ATP8B4: variants seen among roughly 807,000 people sequenced by gnomAD.
The protein encoded by ATP8B4 is probable phospholipid-transporting ATPase IM.
Under a neutral mutation model 145.6 loss-of-function variants are expected in ATP8B4, and 133 were observed. The ratio of observed to expected loss-of-function variants is 0.91; its 90% CI spans 0.79 to 1.05. The LOEUF is 1.05. Among genes scored for constraint, ATP8B4 ranks in the 50% least tolerant of loss-of-function variants. The pLI is 0.00. For missense variants in ATP8B4, 1,458 were observed against 1,425.2 expected (o/e 1.02, Z -0.37); for synonymous variants, 507 against 492.9 (o/e 1.03, Z -0.38).
chr15:49,903,427 C>T (rs2038266065), intron 20 of ATP8B4, among the ~76,000 whole-genome samples: 1 of 152,178 alleles, frequency 6.6e-6, no homozygotes, highest in South Asian at 2.1e-4. Context: ...TGCAGAATCG[C>T]ATTAACAGTT....
chr15:50,056,543 G>GA (rs2052608957), intron 3 of ATP8B4, among the ~76,000 whole-genome samples: 1 of 152,162 alleles, frequency 6.6e-6, no homozygotes, highest in African/African-American at 2.4e-5. Flanking sequence ...GGTGAGACCA[G>GA]TGGGAATACG....
chr15:49,980,896 A>G (rs1599598468), intron 11 of ATP8B4, among the ~76,000 whole-genome samples: 1 of 152,312 alleles, frequency 6.6e-6, no homozygotes, highest in Middle Eastern at 3.4e-3. Flanking sequence ...AAAGTAAGAA[A>G]ACAAAAACAC....
chr15:49,995,533 T>C (rs1455980577), intron 9 of ATP8B4, among the ~76,000 whole-genome samples: 1 of 152,170 alleles, frequency 6.6e-6, no homozygotes, highest in Non-Finnish European at 1.5e-5. Flanking sequence ...ACATCTGTTA[T>C]AAAAGCACTC....
intron 1 of ATP8B4, among the ~76,000 whole-genome samples, chr15:50,175,689 C>A (rs1356063860): frequency 1.3e-5 from 2 of 151,984 alleles, no homozygotes; most frequent in South Asian, 2.1e-4. Context: ...ATTAAAAAAT[C>A]AAAAAACCGT....
At chr15:49,983,918 C>G (rs2046375643) in intron 10 of ATP8B4, among the ~76,000 whole-genome samples, 2 of 152,216 alleles carry the variant, frequency 1.3e-5, no homozygotes, top group East Asian at 3.8e-4. Context: ...GAGATTAATG[C>G]CTCTTTCTCT....
intron 3 of ATP8B4, among the ~76,000 whole-genome samples, chr15:50,072,976 CTCTCTATATATATATATATATATA>C (rs2053901454): frequency 1.3e-4 from 3 of 23,894 alleles, no homozygotes; most frequent in Admixed American, 5.9e-4. Flanking sequence ...CTCTCTCTCT[CTCTCTATATATATATATATATATA>C]TATATATATA....
intron 23 of ATP8B4, chr15:49,880,359 G>A (rs573245522): frequency 1.3e-5 from 2 of 152,316 alleles, no homozygotes; most frequent in African/African-American, 4.8e-5. Flanking sequence ...ACTGCAAGTA[G>A]GCCCCATGAA....
chr15:50,024,515 G>A (rs1201253110), intron 6 of ATP8B4, among the ~76,000 whole-genome samples: 1 of 152,190 alleles, frequency 6.6e-6, no homozygotes, highest in Non-Finnish European at 1.5e-5. Flanking sequence ...GGGAAAGCAT[G>A]TAAGAACATA....
At chr15:50,058,139 G>T (rs2153619775) in intron 3 of ATP8B4, among the ~76,000 whole-genome samples, 1 of 152,296 alleles carries the variant, frequency 6.6e-6, no homozygotes, top group Non-Finnish European at 1.5e-5. Context: ...TGATCTGTTT[G>T]CCTCCTATCT....
At chr15:49,861,650 T>C (rs2031839747) in intron 27 of ATP8B4, among the ~76,000 whole-genome samples, 1 of 152,192 alleles carries the variant, frequency 6.6e-6, no homozygotes, top group Non-Finnish European at 1.5e-5. Flanking sequence ...TCCTACTTAC[T>C]CCTCTTCCCA....
chr15:50,089,811 T>G (rs189767052), intron 2 of ATP8B4, among the ~76,000 whole-genome samples: 1 of 152,238 alleles, frequency 6.6e-6, no homozygotes, highest in East Asian at 1.9e-4. Context: ...TGGCGATTCC[T>G]CAAAGACCTA....
intron 5 of ATP8B4, among the ~76,000 whole-genome samples, chr15:50,039,578 T>C (rs1224280961): frequency 6.6e-6 from 1 of 152,116 alleles, no homozygotes; most frequent in Non-Finnish European, 1.5e-5. Flanking sequence ...AAAAAAGTAA[T>C]ATAGAGAAAA....
chr15:50,100,887 C>T (rs2056312127), intron 2 of ATP8B4, among the ~76,000 whole-genome samples: 1 of 152,118 alleles, frequency 6.6e-6, no homozygotes, highest in South Asian at 2.1e-4. Context: ...CATCAAAAAA[C>T]TGTCAATTAA....
chr15:49,866,275 C>T (rs957694593), intron 26 of ATP8B4, 71 bp downstream of exon 26: 2 of 1,541,952 alleles, frequency 1.3e-6, no homozygotes, highest in Admixed American at 1.9e-5. Context: ...CTACCTAACA[C>T]AAAAAATAAA....
chr15:49,895,719 C>T (rs1258244345), intron 23 of ATP8B4: 2 of 152,204 alleles, frequency 1.3e-5, no homozygotes, highest in African/African-American at 2.4e-5. Flanking sequence ...TAATATCTGG[C>T]TCTGACCGAT....
chr15:50,035,635 G>A (rs977848126), intron 6 of ATP8B4, among the ~76,000 whole-genome samples: 4 of 152,122 alleles, frequency 2.6e-5, no homozygotes, highest in East Asian at 1.9e-4. Flanking sequence ...CTCAATAAAC[G>A]TGTTGAATCT....
intron 23 of ATP8B4, among the ~76,000 whole-genome samples, chr15:49,892,881 C>A (rs2036983333): frequency 6.6e-6 from 1 of 152,202 alleles, no homozygotes; most frequent in Admixed American, 6.5e-5. Context: ...CAGAAAGGGA[C>A]TGCAAGGAAA....
At chr15:50,039,976 C>T (rs953023132) in intron 5 of ATP8B4, among the ~76,000 whole-genome samples, 12 of 152,160 alleles carry the variant, frequency 7.9e-5, no homozygotes, top group Non-Finnish European at 1.3e-4. Flanking sequence ...TTAAGTCACA[C>T]GTCACCCATT....
At chr15:50,148,171 C>T (rs543421561) in intron 1 of ATP8B4, among the ~76,000 whole-genome samples, 1 of 152,098 alleles carries the variant, frequency 6.6e-6, no homozygotes, top group Admixed American at 6.5e-5. Flanking sequence ...GGAAACATCA[C>T]ATAAACCCAA....
Sources: gnomAD v4.1 joint callset for allele counts (sites outside exome capture counted in the v4.1 genomes callset) on GRCh38, gnomAD v4.1.1 for gene constraint, MANE v1.5 for transcripts, NCBI Gene and HGNC (gene_info 2026-07-23, HGNC 2026-07-21) for gene names.